Variants in NEB observed in about 807,000 individuals in gnomAD.
NEB encodes the protein nemaline myopathy type 2.
Under a neutral mutation model 952.2 loss-of-function variants are expected in NEB, and 512 were observed. The ratio of observed to expected loss-of-function variants is 0.54; its 90% CI spans 0.50 to 0.58. The LOEUF (loss-of-function observed/expected upper bound fraction) is 0.58, where lower values mean the gene tolerates loss of function less well. Ranked by LOEUF, NEB falls within the 20% of genes least tolerant of loss-of-function variation. The pLI is 0.00. For missense variants in NEB, 8,428 were observed against 9,231.1 expected (o/e 0.91, Z 3.56); for synonymous variants, 2,900 against 3,149.8 (o/e 0.92, Z 2.66).
chr2:151,546,470 T>C, intron 133 of NEB, 27 bp from the exon 134 acceptor site: 1 of 1,441,688 alleles, frequency 6.9e-7, no homozygotes, highest in South Asian at 1.1e-5. Context: ...GAAATATAGC[T>C]GGTCATAAGC....
At chr2:151,497,273 T>C (rs2060843221) in intron 171 of NEB, 3 of 919,090 alleles carry the variant, frequency 3.3e-6, no homozygotes, top group South Asian at 1.0e-4. Flanking sequence ...GTCAGAGTTA[T>C]CCATGTTATT....
rs116155021 is a variant in NEB at position 151,680,943 on chromosome 2, A to T, written c.2944-115T>A. 576 of 825,988 alleles carry T rather than the reference A, an allele frequency of 7.0e-4. 3 individuals are homozygous for T. The African/African-American group carries it at 8.5e-3, about 12-fold the overall frequency. 51.2% of individuals were successfully genotyped at this position (825,988 alleles called of 1,614,324 possible). On this transcript the variant is annotated intron_variant, in intron 29 of 181. Transcript: ENST00000397345. ...AGGAAGAGTTTTTCATGATTTTAAAATGCAAAAACACTAGATTCTTGATTG... is the reference window on the plus strand; with the variant it reads ...AGGAAGAGTTTTTCATGATTTTAAATTGCAAAAACACTAGATTCTTGATTG...
chr2:151,654,135 C>A, intron 51 of NEB, 36 bp from the exon 52 acceptor site: 1 of 1,369,090 alleles, frequency 7.3e-7, no homozygotes, highest in Admixed American at 2.0e-5. Flanking sequence ...ATTATTCTGT[C>A]TATATAAAGA....
chr2:151,560,842 A>C (rs2095992419), intron 123 of NEB, 143 bp from the exon 124 acceptor site: 1 of 771,826 alleles, frequency 1.3e-6, no homozygotes, highest in African/African-American at 1.8e-5. Context: ...GGCTTATTTA[A>C]TTGTACCTAC....
rs537480755 is a variant in NEB at position 151,491,915 on chromosome 2, AGAG to A, written c.25058-143_25058-141del. The A allele has an allele frequency of 1.4e-4, 133 of 950,876 alleles. 2 individuals are homozygous for A. In the African/African-American group the frequency reaches 1.8e-3, roughly 13 times the overall value. The allele number at this position is 950,876 out of a possible 1,614,324, so 58.9% of individuals were successfully genotyped here. A position where few individuals can be genotyped will look rare whatever the true frequency, so the allele number is the denominator to read the frequency against. ...AGGTTCTGGGTCATGTCTTTTCCTC[AGAG>A]GAGAACAAAGATAAGGTAGAAATCA... On this transcript the variant is annotated intron_variant, in intron 178 of 181. Coordinates refer to ENST00000397345, the MANE Select transcript of NEB (RefSeq NM_001164508.2).
At chr2:151,538,902 G>A (rs1266257667) in intron 138 of NEB, among the ~76,000 whole-genome samples, 3 of 152,152 alleles carry the variant, frequency 2.0e-5, no homozygotes, top group Non-Finnish European at 2.9e-5. Flanking sequence ...TATTTTCAAC[G>A]TCAAACAGTT....
intron 64 of NEB, among the ~76,000 whole-genome samples, chr2:151,634,293 A>G (rs1001557795): frequency 6.6e-6 from 1 of 152,184 alleles, no homozygotes; most frequent in Admixed American, 6.5e-5. Flanking sequence ...ATTGGATTCT[A>G]TACACTAAAA....
rs1401420739 is a variant in NEB, at chr2:151,627,581, C to A, written c.10085G>T (p.Cys3362Phe). ...DYKNYLHEWT[C>F]LPDQNDVIHA... ...GATGACATCATTCTGGTCGGGCAGG[C>A]ACGTCCACTCGTGCAGGTAGTTCTT... is the stretch of plus-strand genomic sequence containing the variant. Residue 3362 changes from cysteine to phenylalanine, a missense_variant, in exon 69 of 182, where the codon TGC becomes TTC. Physicochemically the swap from Cys to Phe is radical, Grantham distance 205. This residue lies in a region of NEB where 1,772 missense variants were observed against 1,960.3 expected (regional missense o/e 0.90). Coordinates refer to ENST00000397345, the MANE Select transcript of NEB (RefSeq NM_001164508.2). 6.2e-7 allele frequency: 1 copy of A among 1,614,008 alleles called. No homozygotes were observed. The highest frequency in any genetic ancestry group is 1.7e-5 in the Admixed American group (1 of 60,012).
chr2:151,560,866 G>C, intron 123 of NEB, 138 bp downstream of exon 123: 4 of 753,894 alleles, frequency 5.3e-6, no homozygotes, highest in Non-Finnish European at 8.6e-6. Context: ...AATTTTATGA[G>C]GTAAAGTAAG....
Position 151,672,463 on chromosome 2 carries a change from T to C in NEB, c.4205A>G (p.Asn1402Ser). Residue 1402 changes from asparagine (N) to serine (S), a missense_variant, in exon 37 of 182, where the codon AAT becomes AGT. Asn to Ser is a conservative substitution (Grantham distance 46, BLOSUM62 1). Coordinates refer to ENST00000397345, the MANE Select transcript of NEB (RefSeq NM_001164508.2). ...ATGCAATGGCTGTTTGTAGTTGACA[T>C]TGGTAGCGACATCCTGGGCCATCTT... ...AAKMAQDVAT[N>S]VNYKQPLHHY... 6.2e-7 allele frequency: 1 copy of C among 1,614,012 alleles called. No individual in the cohort carries two copies. The highest frequency in any genetic ancestry group is 8.5e-7 in the Non-Finnish European group (1 of 1,179,876).
chr2:151,576,420 G>C, intron 105 of NEB, 66 bp from the exon 106 acceptor site: 1 of 1,112,134 alleles, frequency 9.0e-7, no homozygotes, highest in Non-Finnish European at 1.2e-6. Context: ...GGTAAAATAA[G>C]GACAGTTTTT....
intron 176 of NEB, 88 bp downstream of exon 176, chr2:151,493,265 T>C (rs777922046): frequency 8.1e-5 from 82 of 1,011,902 alleles, no homozygotes; most frequent in Non-Finnish European, 1.1e-4. Flanking sequence ...AGTGTGTTTT[T>C]CAGTTGAATG....
At chr2:151,511,348 C>T (rs74751445) in intron 161 of NEB, among the ~76,000 whole-genome samples, 1,887 of 152,286 alleles carry the variant, frequency 0.012, 39 homozygotes, top group African/African-American at 0.043. Context: ...AAACCACTCT[C>T]TAGTGATAAC....
intron 129 of NEB, among the ~76,000 whole-genome samples, chr2:151,550,914 G>T (rs963442675): frequency 2.0e-5 from 3 of 150,746 alleles, no homozygotes; most frequent in African/African-American, 7.3e-5. Context: ...TAAAGTGCTG[G>T]GATTACAGGC....
chr2:151,567,577 C>T, intron 113 of NEB, 98 bp from the exon 114 acceptor site: 1 of 1,186,656 alleles, frequency 8.4e-7, no homozygotes, highest in Non-Finnish European at 1.1e-6. Context: ...AATTCAGCCC[C>T]CCAGCTTTTT....
chr2:151,493,446 C>A lies in NEB; in HGVS notation c.24673-1G>T. On this transcript the variant is annotated splice_acceptor_variant, in intron 175 of 181. Transcript: ENST00000397345. LOFTEE classifies it high-confidence loss of function. ...TTCTCATGTTCTCTTTGTACAATAC[C>A]TAGGGAAGCCAAAAGAGCATCTAGG... 1 of 1,569,264 alleles carries A rather than the reference C, an allele frequency of 6.4e-7. No homozygotes were observed. The highest frequency in any genetic ancestry group is 8.6e-7 in the Non-Finnish European group (1 of 1,158,586).
intron 154 of NEB, 149 bp downstream of exon 154, chr2:151,519,509 A>G (rs894140605): frequency 1.2e-5 from 8 of 654,524 alleles, no homozygotes; most frequent in Admixed American, 2.9e-5. Flanking sequence ...TAATGGTTAT[A>G]GTTTCTGTTG....
chr2:151,522,476 C>T (rs888623818), intron 153 of NEB, among the ~76,000 whole-genome samples: 1 of 152,200 alleles, frequency 6.6e-6, no homozygotes, highest in Non-Finnish European at 1.5e-5. Context: ...CTAACATACA[C>T]ATACATTAGG....
chr2:151,653,979 A>G lies in NEB; in HGVS notation c.6915+13T>C. On this transcript the variant is annotated intron_variant, in intron 52 of 181. Coordinates refer to ENST00000397345, the MANE Select transcript of NEB (RefSeq NM_001164508.2). ...TAAAAATATAGCCTTATAGAACTCA[A>G]ACTAGTACTCACATCACTAGCAATG... 3.2e-6 allele frequency: 5 copies of G among 1,573,454 alleles called. No individual in the cohort carries two copies. Among genetic ancestry groups the G allele is most frequent in the Non-Finnish European group, 4.4e-6 (5 of 1,144,476 alleles).
Sources: gnomAD v4.1 joint callset for allele counts (sites outside exome capture counted in the v4.1 genomes callset) on GRCh38, gnomAD v4.1.1 for gene constraint, gnomAD v4.1.1 regional missense constraint, MANE v1.5 for transcripts, NCBI Gene and HGNC (gene_info 2026-07-23, HGNC 2026-07-21) for gene names.